Variants in GABRG3 observed in about 807,000 individuals in gnomAD.
GABRG3 encodes the protein gamma-aminobutyric acid receptor subunit gamma-3.
A neutral mutation model predicts 48.8 loss-of-function variants in GABRG3; 25 were observed. The ratio of observed to expected loss-of-function variants is 0.51; its 90% CI spans 0.37 to 0.72. The LOEUF (loss-of-function observed/expected upper bound fraction) is 0.72, where lower values mean the gene tolerates loss of function less well. Among genes scored for constraint, GABRG3 ranks in the 30% least tolerant of loss-of-function variants. The pLI, the probability that GABRG3 is intolerant of heterozygous loss-of-function variation, is 0.00. For synonymous variants in GABRG3, 227 were observed against 217.6 expected (o/e 1.04, Z -0.38); for missense variants, 394 against 577.9 (o/e 0.68, Z 3.26).
At chr15:27,020,973 G>C (rs988513648) in intron 2 of GABRG3, among the ~76,000 whole-genome samples, 2 of 152,158 alleles carry the variant, frequency 1.3e-5, no homozygotes, top group Admixed American at 6.5e-5. Flanking sequence ...GTAAGACAGT[G>C]CTAGGTAATC....
intron 5 of GABRG3, among the ~76,000 whole-genome samples, chr15:27,414,940 G>A (rs1466610677): frequency 6.6e-6 from 1 of 152,074 alleles, no homozygotes; most frequent in African/African-American, 2.4e-5. Flanking sequence ...ATTTTCGGGA[G>A]TGTGAAAGTG....
At chr15:27,369,806 C>CAA (rs34901488) in intron 5 of GABRG3, among the ~76,000 whole-genome samples, 48 of 30,200 alleles carry the variant, frequency 1.6e-3, no homozygotes, top group Non-Finnish European at 2.3e-3. Context: ...GACTCCGTCT[C>CAA]AAAAAAAAAA....
intron 3 of GABRG3, among the ~76,000 whole-genome samples, chr15:27,202,719 A>G (rs1476149648): frequency 1.3e-5 from 2 of 152,156 alleles, no homozygotes; most frequent in Non-Finnish European, 2.9e-5. Flanking sequence ...TGAATTGCCT[A>G]TCATATTCTT....
intron 3 of GABRG3, among the ~76,000 whole-genome samples, chr15:27,107,616 T>C (rs1240535608): frequency 1.3e-5 from 2 of 152,068 alleles, no homozygotes; most frequent in Non-Finnish European, 1.5e-5. Flanking sequence ...AATATTGGTA[T>C]TATTTCTTCC....
At chr15:27,367,019 C>T (rs2140552172) in intron 5 of GABRG3, among the ~76,000 whole-genome samples, 1 of 152,238 alleles carries the variant, frequency 6.6e-6, no homozygotes, top group South Asian at 2.1e-4. Context: ...AGTGGGTCCC[C>T]CAGAGGCACC....
At chr15:27,161,918 A>G (rs541280420) in intron 3 of GABRG3, among the ~76,000 whole-genome samples, 123 of 152,336 alleles carry the variant, frequency 8.1e-4, no homozygotes, top group African/African-American at 2.8e-3. Context: ...GTGTGCTACC[A>G]AATGACAGGC....
intron 3 of GABRG3, among the ~76,000 whole-genome samples, chr15:27,109,666 C>T (rs370238498): frequency 1.3e-5 from 2 of 152,148 alleles, no homozygotes; most frequent in African/African-American, 2.4e-5. Context: ...GCGAATCACC[C>T]GGACTCAGGA....
At chr15:27,223,450 C>G (rs1379922118) in intron 3 of GABRG3, among the ~76,000 whole-genome samples, 1 of 151,940 alleles carries the variant, frequency 6.6e-6, no homozygotes, top group Non-Finnish European at 1.5e-5. Flanking sequence ...ATGTAAGCTT[C>G]AAGTTTTAAG....
At chr15:27,314,353 C>T (rs1486221724) in intron 3 of GABRG3, among the ~76,000 whole-genome samples, 3 of 152,076 alleles carry the variant, frequency 2.0e-5, no homozygotes, top group East Asian at 1.9e-4. Context: ...AAATCAAGAC[C>T]GCAAGGAGTT....
At chr15:27,135,961 A>G (rs1490361082) in intron 3 of GABRG3, among the ~76,000 whole-genome samples, 2 of 152,148 alleles carry the variant, frequency 1.3e-5, no homozygotes, top group Admixed American at 1.3e-4. Flanking sequence ...GAGAGAGATA[A>G]GGGAGAGAAA....
rs755830791 is a variant in GABRG3 at position 27,533,583 on chromosome 15, T to C, written c.*702T>C. The C allele has an allele frequency of 6.6e-6, 1 of 152,274 alleles. No individual in the cohort carries two copies. The highest frequency in any genetic ancestry group is 1.5e-5 in the Non-Finnish European group (1 of 68,088). 9.4% of individuals were successfully genotyped at this position (152,274 alleles called of 1,614,324 possible). A position where few individuals can be genotyped will look rare whatever the true frequency, so the allele number is the denominator to read the frequency against. On this transcript the variant is annotated 3_prime_UTR_variant, in exon 10 of 10. Coordinates refer to ENST00000615808, the MANE Select transcript of GABRG3 (RefSeq NM_033223.5). ...TGATTATCTCTGAACATCAGAAGGTTATTACTTTATTCCAACTTACTGAGA... is the reference window on the plus strand; with the variant it reads ...TGATTATCTCTGAACATCAGAAGGTCATTACTTTATTCCAACTTACTGAGA...
chr15:27,056,748 G>A (rs1896555794), intron 3 of GABRG3, among the ~76,000 whole-genome samples: 1 of 152,166 alleles, frequency 6.6e-6, no homozygotes, highest in East Asian at 1.9e-4. Flanking sequence ...TGGTGGATGA[G>A]CGTTTTCATT....
chr15:27,346,726 C>G (rs1182601117), intron 5 of GABRG3, among the ~76,000 whole-genome samples: 2 of 151,978 alleles, frequency 1.3e-5, no homozygotes, highest in African/African-American at 4.8e-5. Flanking sequence ...CTACTGATGA[C>G]CCCTCCTGCT....
rs1232135230 is a variant in GABRG3 at position 27,179,296 on chromosome 15, G to GT, written c.271-147512dup. Among the ~76,000 whole-genome samples the GT allele has an allele frequency of 6.6e-6, 1 of 152,182 alleles. No individual in the cohort carries two copies. The highest frequency in any genetic ancestry group is 1.5e-5 in the Non-Finnish European group (1 of 68,028). ...ATCCACCTTCCCCTCAGGAGCAGCTGTAACAATTTCCCACATGTGGCCAAT... is the reference window on the plus strand; with the variant it reads ...ATCCACCTTCCCCTCAGGAGCAGCTGTTAACAATTTCCCACATGTGGCCAAT... On this transcript the variant is annotated intron_variant, in intron 3 of 9. Coordinates refer to ENST00000615808, the MANE Select transcript of GABRG3 (RefSeq NM_033223.5). The surrounding 1 kb of genome is among the most constrained non-coding windows in gnomAD (Gnocchi z 4.0).
chr15:27,059,155 G>A (rs957412876), intron 3 of GABRG3, among the ~76,000 whole-genome samples: 2 of 152,214 alleles, frequency 1.3e-5, no homozygotes, highest in African/African-American at 4.8e-5. Flanking sequence ...AGACAATGAA[G>A]GCTCTGTCAC....
intron 3 of GABRG3, among the ~76,000 whole-genome samples, chr15:27,186,116 TC>T (rs1888089107): frequency 6.6e-6 from 1 of 151,724 alleles, no homozygotes; most frequent in African/African-American, 2.4e-5. Context: ...TATGAATCAA[TC>T]TGTCACCCAG....
intron 5 of GABRG3, among the ~76,000 whole-genome samples, chr15:27,334,823 G>A (rs1893911464): frequency 6.6e-6 from 1 of 152,052 alleles, no homozygotes; most frequent in Non-Finnish European, 1.5e-5. Context: ...CACGAACTAA[G>A]GCTAGCAAAG....
chr15:26,971,701 G>A, intron 1 of GABRG3, 113 bp downstream of exon 1: 1 of 1,236,290 alleles, frequency 8.1e-7, no homozygotes. Flanking sequence ...GCTGCGGCAC[G>A]GCGGGCCGGG....
intron 3 of GABRG3, among the ~76,000 whole-genome samples, chr15:27,195,163 T>C (rs1888455479): frequency 6.6e-6 from 1 of 152,240 alleles, no homozygotes; most frequent in Admixed American, 6.5e-5. Flanking sequence ...AACTGCTTGT[T>C]GAAGCATTTT....
Sources: allele counts gnomAD v4.1 joint callset (sites outside exome capture counted in the v4.1 genomes callset), GRCh38; gene constraint gnomAD v4.1.1; non-coding constraint Gnocchi (gnomAD v3.1); transcripts MANE v1.5; gene names NCBI Gene and HGNC (gene_info 2026-07-23, HGNC 2026-07-21).